The following HS3ST2 variants were observed in gnomAD, a reference collection of about 807,000 sequenced individuals.
HS3ST2 encodes heparan sulfate-glucosamine 3-sulfotransferase 2, also known as heparan sulfate glucosamine 3-O-sulfotransferase 2.
HS3ST2 carries 17 observed loss-of-function variants against 26.3 expected under a neutral mutation model. The ratio of observed to expected loss-of-function variants is 0.65; its 90% confidence interval spans 0.44 to 0.97. HS3ST2 has a LOEUF of 0.97. HS3ST2 is among the 50% of genes least tolerant of loss of function. The pLI, the probability that HS3ST2 is intolerant of heterozygous loss-of-function variation, is 0.00. For synonymous variants in HS3ST2, 237 were observed against 219.2 expected (o/e 1.08, Z -0.72); for missense variants, 402 against 501.2 (o/e 0.80, Z 1.89).
At chr16:22,875,902 T>C (rs1380705698) in intron 1 of HS3ST2, among the ~76,000 whole-genome samples, 1 of 152,228 alleles carries the variant, frequency 6.6e-6, no homozygotes, top group Non-Finnish European at 1.5e-5. Context: ...GTGTTACAGT[T>C]GCCTACAGTA....
chr16:22,864,139 C>T (rs372676348), intron 1 of HS3ST2, among the ~76,000 whole-genome samples: 21 of 152,288 alleles, frequency 1.4e-4, no homozygotes, highest in African/African-American at 5.1e-4. Context: ...CTGGCAGTCA[C>T]CCAAACCACC....
intron 1 of HS3ST2, among the ~76,000 whole-genome samples, chr16:22,864,331 A>G (rs559060923): frequency 6.6e-6 from 1 of 152,222 alleles, no homozygotes; most frequent in African/African-American, 2.4e-5. Flanking sequence ...ATCAAGTTCC[A>G]AGGATATTTC....
intron 1 of HS3ST2, among the ~76,000 whole-genome samples, chr16:22,897,254 C>T (rs1902223149): frequency 1.3e-5 from 2 of 151,886 alleles, no homozygotes; most frequent in Admixed American, 1.3e-4. Flanking sequence ...TTATTTTGCC[C>T]ATTATCTCCT....
At chr16:22,891,782 T>C (rs1347150154) in intron 1 of HS3ST2, among the ~76,000 whole-genome samples, 1 of 152,052 alleles carries the variant, frequency 6.6e-6, no homozygotes, top group Admixed American at 6.5e-5. Context: ...TTATGTATCA[T>C]GCAGTATATT....
In HS3ST2 at chr16:22,915,790, G is replaced by C. The variant is rs917830103; in HGVS notation, c.*228G>C. On this transcript the variant is annotated 3_prime_UTR_variant, in exon 2 of 2. Transcript: ENST00000261374. ...AGCAAAGTTGATCTGCTCCTGGCACGTCCAGTAAATTCCAGAATCATTCTC... is the reference window on the plus strand; with the variant it reads ...AGCAAAGTTGATCTGCTCCTGGCACCTCCAGTAAATTCCAGAATCATTCTC... 1.1e-5 allele frequency: 6 copies of C among 546,936 alleles called. No individual in the cohort carries two copies. In the East Asian group the frequency reaches 1.8e-4, roughly 17 times the overall value. 33.9% of individuals were successfully genotyped at this position (546,936 alleles called of 1,614,324 possible).
chr16:22,877,601 G>T (rs1189656610), intron 1 of HS3ST2, among the ~76,000 whole-genome samples: 1 of 152,170 alleles, frequency 6.6e-6, no homozygotes, highest in South Asian at 2.1e-4. Flanking sequence ...GCTGAGAAGG[G>T]TGCAGGTTTG....
intron 1 of HS3ST2, among the ~76,000 whole-genome samples, chr16:22,828,795 T>C (rs1188408593): frequency 1.3e-5 from 2 of 152,204 alleles, no homozygotes; most frequent in Non-Finnish European, 2.9e-5. Context: ...AGCTCTGTGG[T>C]GGCGCAGTCC....
At chr16:22,898,897 T>G (rs994327920) in intron 1 of HS3ST2, among the ~76,000 whole-genome samples, 8 of 152,154 alleles carry the variant, frequency 5.3e-5, no homozygotes, top group African/African-American at 1.9e-4. Flanking sequence ...GACAACAACA[T>G]TCGGGAGTCA....
intron 1 of HS3ST2, among the ~76,000 whole-genome samples, chr16:22,872,077 T>C (rs1462650397): frequency 1.3e-5 from 2 of 152,190 alleles, no homozygotes; most frequent in African/African-American, 4.8e-5. Flanking sequence ...AACGAGCCAA[T>C]AGTACAGCAG....
At chr16:22,829,705 G>A (rs1052277656) in intron 1 of HS3ST2, among the ~76,000 whole-genome samples, 1 of 152,072 alleles carries the variant, frequency 6.6e-6, no homozygotes, top group African/African-American at 2.4e-5. Flanking sequence ...ATGGCTGTGG[G>A]GTAAGTTGCT....
chr16:22,885,323 G>C (rs1165870530), intron 1 of HS3ST2, among the ~76,000 whole-genome samples: 1 of 151,050 alleles, frequency 6.6e-6, no homozygotes, highest in East Asian at 1.9e-4. Context: ...AGATAAAATT[G>C]AGAGGAGGGG....
At chr16:22,874,458 C>T (rs772998662) in intron 1 of HS3ST2, among the ~76,000 whole-genome samples, 6 of 152,300 alleles carry the variant, frequency 3.9e-5, no homozygotes, top group Admixed American at 1.3e-4. Context: ...GCCTAGACAC[C>T]GCTGTCCTCA....
intron 1 of HS3ST2, among the ~76,000 whole-genome samples, chr16:22,909,063 A>G (rs1902389210): frequency 6.6e-6 from 1 of 152,196 alleles, no homozygotes; most frequent in Admixed American, 6.5e-5. Flanking sequence ...CTAATGAGGA[A>G]TCTCTTCCAG....
chr16:22,901,627 C>T (rs2141204644), intron 1 of HS3ST2, among the ~76,000 whole-genome samples: 1 of 152,306 alleles, frequency 6.6e-6, no homozygotes, highest in African/African-American at 2.4e-5. Flanking sequence ...GCAGATAGGA[C>T]CAAAGAAATT....
At position 22,860,468 on chromosome 16, in the gene HS3ST2, G is replaced by A. The variant is rs114707987; in HGVS notation, c.485+45373G>A. On this transcript the variant is annotated intron_variant, in intron 1 of 1. Coordinates refer to ENST00000261374, the MANE Select transcript of HS3ST2 (RefSeq NM_006043.2). ...GGACACAGCTAAAGCATATCACCCCGCATACACATCAGAACTCCCCATCTG... is the reference window on the plus strand; with the variant it reads ...GGACACAGCTAAAGCATATCACCCCACATACACATCAGAACTCCCCATCTG... Among the ~76,000 whole-genome samples, 980 of 152,190 alleles carry A rather than the reference G, an allele frequency of 6.4e-3. 13 individuals carry two copies. The highest frequency in any genetic ancestry group is 0.021 in the African/African-American group (873 of 41,528).
intron 1 of HS3ST2, among the ~76,000 whole-genome samples, chr16:22,871,726 C>T (rs1349881201): frequency 1.3e-5 from 2 of 152,172 alleles, no homozygotes; most frequent in African/African-American, 4.8e-5. Flanking sequence ...ATAAACCTGG[C>T]CCAATGCCCT....
In HS3ST2 at chr16:22,878,494, A is replaced by T. The variant is rs569554398; in HGVS notation, c.486-36450A>T. 3.9e-5 allele frequency among the ~76,000 whole-genome samples: 6 copies of T among 152,300 alleles called. No homozygotes were observed. In the East Asian group the frequency reaches 9.6e-4, roughly 24 times the overall value. On this transcript the variant is annotated intron_variant, in intron 1 of 1. Transcript: ENST00000261374. ...TTGACTAAGGGAGGAGTTGAAAGGG[A>T]TTAACCAGCTGGGTCTGTGATGCAG...
intron 1 of HS3ST2, 65 bp downstream of exon 1, chr16:22,815,160 G>A (rs1900845190): frequency 1.3e-6 from 2 of 1,579,756 alleles, no homozygotes; most frequent in Non-Finnish European, 1.7e-6. Context: ...AGAGCCATCC[G>A]TCTCTTGTGT....
At chr16:22,884,465 G>A (rs954564658) in intron 1 of HS3ST2, among the ~76,000 whole-genome samples, 7 of 151,940 alleles carry the variant, frequency 4.6e-5, no homozygotes, top group Admixed American at 2.0e-4. Context: ...GGGTGTTTGC[G>A]GGACTCTCCG....
Sources: allele counts gnomAD v4.1 joint callset (sites outside exome capture counted in the v4.1 genomes callset), GRCh38; gene constraint gnomAD v4.1.1; transcripts MANE v1.5; gene names NCBI Gene and HGNC (gene_info 2026-07-23, HGNC 2026-07-21).